Variants in BMAL2 observed in about 807,000 individuals in gnomAD.
BMAL2 encodes the protein basic helix-loop-helix ARNT-like protein 2.
the BMAL2 span, among the ~76,000 whole-genome samples, chr12:27,394,871 A>G: frequency 6.6e-6 from 1 of 152,250 alleles, no homozygotes; most frequent in Non-Finnish European, 1.5e-5. Context: ...GCATGAATGC[A>G]GTGAGCAAGG....
the BMAL2 span, among the ~76,000 whole-genome samples, chr12:27,390,772 A>G: frequency 2.6e-5 from 4 of 152,168 alleles, no homozygotes; most frequent in African/African-American, 7.2e-5. Context: ...ATAGTCATCT[A>G]TTTAACTTAA....
the BMAL2 span, chr12:27,368,367 C>CA: frequency 6.2e-7 from 1 of 1,614,160 alleles, no homozygotes; most frequent in Non-Finnish European, 8.5e-7. Context: ...TCACACATGA[C>CA]AGAGTTTCCA....
At chr12:27,362,710 T>C in the BMAL2 span, among the ~76,000 whole-genome samples, 1 of 152,230 alleles carries the variant, frequency 6.6e-6, no homozygotes, top group Admixed American at 6.5e-5. Flanking sequence ...TTTACTTTTT[T>C]TTTAGTTTAC....
At chr12:27,389,319 T>G in the BMAL2 span, 4 of 1,447,316 alleles carry the variant, frequency 2.8e-6, no homozygotes, top group Non-Finnish European at 3.9e-6. Flanking sequence ...TTCCGCATGC[T>G]TATTATTTTA....
the BMAL2 span, among the ~76,000 whole-genome samples, chr12:27,382,637 T>C: frequency 6.6e-6 from 1 of 152,204 alleles, no homozygotes; most frequent in South Asian, 2.1e-4. Context: ...ACAAGCAAGA[T>C]GATTTAAGGC....
chr12:27,390,242 A>G, the BMAL2 span: 2 of 1,613,092 alleles, frequency 1.2e-6, no homozygotes, highest in Middle Eastern at 1.7e-4. Flanking sequence ...GAAGAAAGGT[A>G]TCATTTTGAA....
the BMAL2 span, chr12:27,390,116 A>T: frequency 6.2e-7 from 1 of 1,613,808 alleles, no homozygotes; most frequent in Middle Eastern, 1.6e-4. Context: ...AGTTCACAGT[A>T]ATCTCCACGC....
chr12:27,388,778 G>A, the BMAL2 span, among the ~76,000 whole-genome samples: 1 of 152,246 alleles, frequency 6.6e-6, no homozygotes, highest in East Asian at 1.9e-4. Flanking sequence ...TTTTTAAACT[G>A]TATGGTAAAT....
chr12:27,337,786 A>G, the BMAL2 span, among the ~76,000 whole-genome samples: 1 of 152,212 alleles, frequency 6.6e-6, no homozygotes, highest in Non-Finnish European at 1.5e-5. Context: ...GGGTAAAAAT[A>G]CCTAACTTGG....
the BMAL2 span, among the ~76,000 whole-genome samples, chr12:27,333,958 G>A: frequency 1.3e-5 from 2 of 152,202 alleles, no homozygotes; most frequent in Non-Finnish European, 2.9e-5. Context: ...CAAATGAGAG[G>A]CAGGAAAACA....
the BMAL2 span, among the ~76,000 whole-genome samples, chr12:27,413,465 G>T: frequency 2.6e-5 from 4 of 152,022 alleles, no homozygotes; most frequent in Non-Finnish European, 4.4e-5. Context: ...ATAATGACAA[G>T]GTATTTTATG....
chr12:27,388,103 GCACA>G, the BMAL2 span, among the ~76,000 whole-genome samples: 18 of 148,340 alleles, frequency 1.2e-4, no homozygotes, highest in African/African-American at 2.2e-4. Context: ...ACACATGCAC[GCACA>G]CACACACACA....
the BMAL2 span, chr12:27,333,039 G>T: frequency 8.4e-7 from 1 of 1,194,626 alleles, no homozygotes. Flanking sequence ...GCTGCCAGCC[G>T]CGGGGCTGCG....
the BMAL2 span, chr12:27,418,250 T>A: frequency 1.7e-6 from 2 of 1,188,808 alleles, no homozygotes; most frequent in Non-Finnish European, 2.4e-6. Context: ...ACCCCCCTCT[T>A]AATCACTATG....
At chr12:27,391,535 T>G in the BMAL2 span, among the ~76,000 whole-genome samples, 1 of 152,238 alleles carries the variant, frequency 6.6e-6, no homozygotes, top group South Asian at 2.1e-4. Flanking sequence ...AATGATCTAT[T>G]TTCCTTTGGG....
chr12:27,368,972 T>C, the BMAL2 span, among the ~76,000 whole-genome samples: 7 of 152,318 alleles, frequency 4.6e-5, no homozygotes, highest in East Asian at 1.2e-3. Context: ...CTAGAGTTTA[T>C]ATGGTGAAAA....
At chr12:27,400,909 A>G in the BMAL2 span, 1 of 861,702 alleles carries the variant, frequency 1.2e-6, no homozygotes, top group Non-Finnish European at 1.7e-6. Flanking sequence ...TAAATGAAAT[A>G]AGAATATGGA....
the BMAL2 span, among the ~76,000 whole-genome samples, chr12:27,344,776 A>T: frequency 6.6e-6 from 1 of 152,250 alleles, no homozygotes; most frequent in Non-Finnish European, 1.5e-5. Context: ...AAGATGACAT[A>T]GCAAAGTTGC....
the BMAL2 span, among the ~76,000 whole-genome samples, chr12:27,398,944 G>A: frequency 1.3e-5 from 2 of 152,196 alleles, no homozygotes; most frequent in African/African-American, 4.8e-5. Context: ...ATTCCTTTGA[G>A]GCATCTGGGT....
Sources: gnomAD v4.1 joint callset for allele counts (sites outside exome capture counted in the v4.1 genomes callset) on GRCh38, gnomAD v4.1.1 for gene constraint, MANE v1.5 for transcripts, NCBI Gene and HGNC (gene_info 2026-07-23, HGNC 2026-07-21) for gene names.